The following TNS3 variants were observed in gnomAD, a reference collection of about 807,000 sequenced individuals.
The protein encoded by TNS3 is tensin-3.
TNS3 carries 45 observed loss-of-function variants against 140.9 expected under a neutral mutation model. That is an observed-to-expected ratio of 0.32 (90% CI 0.25 to 0.41). The LOEUF (loss-of-function observed/expected upper bound fraction) is 0.41, where lower values mean the gene tolerates loss of function less well. Among genes scored for constraint, TNS3 ranks in the 10% least tolerant of loss-of-function variants. The probability of loss-of-function intolerance (pLI) is 1.00; values close to 1 mark genes in which losing one functional copy is unlikely to be tolerated. For missense variants in TNS3, 1,716 were observed against 1,906.7 expected (o/e 0.90, Z 1.86); for synonymous variants, 815 against 788.4 (o/e 1.03, Z -0.56).
chr7:47,530,835 A>AAG (rs1562835123), intron 1 of TNS3, among the ~76,000 whole-genome samples: 1 of 118,672 alleles, frequency 8.4e-6, no homozygotes, highest in Non-Finnish European at 1.7e-5. Context: ...AAAAAAAAAA[A>AAG]AAAATATATA....
intron 20 of TNS3, among the ~76,000 whole-genome samples, chr7:47,337,882 C>T (rs1439497681): frequency 1.3e-5 from 2 of 152,220 alleles, no homozygotes; most frequent in Admixed American, 6.5e-5. Flanking sequence ...TTGCCCCTCC[C>T]AACCATTAGC....
chr7:47,453,731 G>A (rs750660415), intron 4 of TNS3, among the ~76,000 whole-genome samples: 1 of 152,244 alleles, frequency 6.6e-6, no homozygotes, highest in Non-Finnish European at 1.5e-5. Context: ...AGACGGTTCT[G>A]AGTTACAAAA....
chr7:47,536,691 G>A (rs956143885), intron 1 of TNS3, among the ~76,000 whole-genome samples: 5 of 152,174 alleles, frequency 3.3e-5, no homozygotes, highest in Non-Finnish European at 7.3e-5. Flanking sequence ...CCCCCACTAG[G>A]CAAAGCTCCA....
At chr7:47,408,185 A>C (rs1793551287) in intron 13 of TNS3, among the ~76,000 whole-genome samples, 1 of 152,000 alleles carries the variant, frequency 6.6e-6, no homozygotes, top group Non-Finnish European at 1.5e-5. Context: ...TGCAGGTGGG[A>C]CACTGAGGAA....
At chr7:47,506,820 A>G in intron 3 of TNS3, 87 bp downstream of exon 3, 1 of 1,025,504 alleles carries the variant, frequency 9.8e-7, no homozygotes, top group Non-Finnish European at 1.3e-6. Flanking sequence ...CCGTGGCTGC[A>G]GTCCAAAGAG....
At chr7:47,467,451 C>T (rs1445029943) in intron 4 of TNS3, among the ~76,000 whole-genome samples, 2 of 152,048 alleles carry the variant, frequency 1.3e-5, no homozygotes, top group Non-Finnish European at 2.9e-5. Context: ...CTGATACTCT[C>T]GGGAAAGTGC....
At chr7:47,319,081 G>A (rs568672377) in intron 20 of TNS3, among the ~76,000 whole-genome samples, 63 of 152,326 alleles carry the variant, frequency 4.1e-4, no homozygotes, top group Non-Finnish European at 7.8e-4. Context: ...AAGTCCCGAG[G>A]AGTCCTGGTC....
intron 16 of TNS3, among the ~76,000 whole-genome samples, chr7:47,390,194 T>C (rs1792429046): frequency 6.6e-6 from 1 of 152,208 alleles, no homozygotes; most frequent in South Asian, 2.1e-4. Context: ...ATCTGTCAGG[T>C]GCCATCGGCC....
chr7:47,334,555 T>A (rs1301069526), intron 20 of TNS3, among the ~76,000 whole-genome samples: 3 of 150,924 alleles, frequency 2.0e-5, no homozygotes, highest in East Asian at 2.0e-4. Flanking sequence ...TTTATATTTT[T>A]AAAAAATTAT....
Position 47,303,438 on chromosome 7 carries a change from G to A in TNS3, c.2969C>T (p.Pro990Leu), listed in dbSNP as rs368607512. Reference protein sequence around the residue: ...KDSPVLSCFPPSELQAPFHSH... With the variant: ...KDSPVLSCFPLSELQAPFHSH... The stretch of plus-strand genomic sequence containing the variant: ...GTGGAAAGGAGCCTGGAGCTCTGAC[G>A]GCGGGAAGCAGGACAGCACTGGGGA... Residue 990 changes from proline to leucine, a missense_variant, in exon 22 of 31, where the codon CCG (proline) becomes CTG (leucine). Coordinates refer to ENST00000311160, the MANE Select transcript of TNS3 (RefSeq NM_022748.12). The A allele has an allele frequency of 2.7e-5, 44 of 1,613,200 alleles. No individual in the cohort carries two copies. Among genetic ancestry groups the A allele is most frequent in the South Asian group, 2.4e-4 (22 of 91,078 alleles).
In TNS3 at chr7:47,406,605, G is replaced by A. The variant is rs914314570; in HGVS notation, c.723+5122C>T. 6.6e-5 allele frequency among the ~76,000 whole-genome samples: 10 copies of A among 152,168 alleles called. No homozygotes were observed. The East Asian group carries it at 7.7e-4, about 12-fold the overall frequency. Reference sequence around the variant, plus strand: ...TACCCCGCCTGGGAAGCCACTTTCCGCCTTCAAAAGTACACAGACAGCCTC... The same window carrying A: ...TACCCCGCCTGGGAAGCCACTTTCCACCTTCAAAAGTACACAGACAGCCTC... On this transcript the variant is annotated intron_variant, in intron 13 of 30. Coordinates refer to ENST00000311160, the MANE Select transcript of TNS3 (RefSeq NM_022748.12).
chr7:47,415,894 T>C (rs1794054558), intron 10 of TNS3, among the ~76,000 whole-genome samples: 1 of 152,176 alleles, frequency 6.6e-6, no homozygotes, highest in African/African-American at 2.4e-5. Flanking sequence ...GAGGGAAGCT[T>C]CTACACTAGG....
intron 20 of TNS3, among the ~76,000 whole-genome samples, chr7:47,334,755 T>C (rs530355530): frequency 2.6e-5 from 4 of 152,074 alleles, no homozygotes; most frequent in East Asian, 3.9e-4. Flanking sequence ...ACTACAGGCA[T>C]GCGCCACCAT....
chr7:47,464,708 A>T (rs1326313579), intron 4 of TNS3, among the ~76,000 whole-genome samples: 1 of 152,130 alleles, frequency 6.6e-6, no homozygotes, highest in African/African-American at 2.4e-5. Context: ...AGATCCACTG[A>T]CCTAAAATAT....
rs1211246046 is a variant in TNS3, at chr7:47,275,764, C to A, written c.*2312G>T. The A allele has an allele frequency of 4.4e-6, 2 of 454,214 alleles. No individual in the cohort carries two copies. The highest frequency in any genetic ancestry group is 4.7e-5 in the Admixed American group (2 of 42,500). The allele number at this position is 454,214 out of a possible 1,614,324, so 28.1% of individuals were successfully genotyped here. ...GAGCAAATTCCCCGATGCCCTTGAC[C>A]ACGTTTACCTTGTGTAAAAATCACA... On this transcript the variant is annotated 3_prime_UTR_variant, in exon 31 of 31. Coordinates refer to ENST00000311160, the MANE Select transcript of TNS3 (RefSeq NM_022748.12).
chr7:47,552,372 C>T (rs1470457358), intron 1 of TNS3, among the ~76,000 whole-genome samples: 3 of 152,148 alleles, frequency 2.0e-5, no homozygotes, highest in Admixed American at 6.5e-5. Context: ...GGCAGACAGA[C>T]CTCGTTTTAT....
At chr7:47,312,721 T>TA (rs1328668621) in intron 20 of TNS3, among the ~76,000 whole-genome samples, 2 of 110,476 alleles carry the variant, frequency 1.8e-5, no homozygotes, top group Non-Finnish European at 3.4e-5. Flanking sequence ...AAAATAAAAA[T>TA]AAAAAAATAA....
chr7:47,529,472 G>A (rs1045636680), intron 1 of TNS3, among the ~76,000 whole-genome samples: 4 of 152,178 alleles, frequency 2.6e-5, no homozygotes, highest in South Asian at 2.1e-4. Context: ...GACTTCAGCC[G>A]TAGAGCCACC....
intron 12 of TNS3, among the ~76,000 whole-genome samples, chr7:47,413,376 G>A (rs989903220): frequency 3.4e-5 from 5 of 147,376 alleles, no homozygotes; most frequent in Non-Finnish European, 7.4e-5. Context: ...CCTCCACCTC[G>A]AGTGGCTGGG....
Sources: gnomAD v4.1 joint callset for allele counts (sites outside exome capture counted in the v4.1 genomes callset) on GRCh38, gnomAD v4.1.1 for gene constraint, MANE v1.5 for transcripts, NCBI Gene and HGNC (gene_info 2026-07-23, HGNC 2026-07-21) for gene names.